Variants in ZBTB2 observed in about 807,000 individuals in gnomAD.
ZBTB2 encodes zinc finger and BTB domain containing 2.
ZBTB2 carries 2 observed loss-of-function variants against 39.5 expected under a neutral mutation model. The ratio of observed to expected loss-of-function variants is 0.05; its 90% CI spans 0.02 to 0.16. The LOEUF (loss-of-function observed/expected upper bound fraction) is 0.16, where lower values mean the gene tolerates loss of function less well. Ranked by LOEUF, ZBTB2 falls within the 10% of genes least tolerant of loss-of-function variation. The pLI is 1.00. For missense variants in ZBTB2, 391 were observed against 653.0 expected (o/e 0.60, Z 4.37); for synonymous variants, 251 against 256.6 (o/e 0.98, Z 0.21).
rs1778632266 is a variant in ZBTB2 at position 151,365,753 on chromosome 6, T to C, written c.1313A>G (p.Asp438Gly). 6.2e-7 allele frequency: 1 copy of C among 1,614,128 alleles called. No homozygotes were observed. Among genetic ancestry groups the C allele is most frequent in the African/African-American group, 1.3e-5 (1 of 74,934 alleles). ...TTTGTTTGTTTGCACCAGCATGTTG[T>C]CCATCTGACTCCCTTCCTCAAATGT... ...LCTFEEGSQM[D>G]NMLVQTNKPY... The change falls in exon 3 of 3, where the codon GAC becomes GGC. Residue 438 changes from aspartate (D) to glycine (G), a missense_variant. By Grantham distance (94) the Asp-to-Gly change is moderately conservative. Coordinates refer to ENST00000325144, the MANE Select transcript of ZBTB2 (RefSeq NM_020861.3). This position sits in a 1 kb window ranked among gnomAD's most constrained non-coding sequence, Gnocchi z 5.6.
chr6:151,383,595 T>C (rs1436121717), intron 1 of ZBTB2, among the ~76,000 whole-genome samples: 3 of 152,092 alleles, frequency 2.0e-5, no homozygotes, highest in African/African-American at 7.2e-5. Flanking sequence ...CAGCGTACAA[T>C]ACTTACTGCT....
At chr6:151,367,402 T>C (rs1778675089) in intron 2 of ZBTB2, among the ~76,000 whole-genome samples, 1 of 152,212 alleles carries the variant, frequency 6.6e-6, no homozygotes, top group African/African-American at 2.4e-5. Context: ...ATTATAGGCG[T>C]GAGCCACCAC....
Position 151,373,870 on chromosome 6 carries a change from A to AAAAAAAACAAAAC in ZBTB2, c.-12-222_-12-221insGTTTTGTTTTTTT, listed in dbSNP as rs1554336611. ...AAAAAAAAAAAAAAAAAAAAAAAAA[A>AAAAAAAACAAAAC]AAAAAAACCAGATGATGCCATTTAA... is the stretch of plus-strand genomic sequence containing the variant. On this transcript the variant is annotated intron_variant, in intron 1 of 2. Transcript: ENST00000325144. 7.7e-3 allele frequency among the ~76,000 whole-genome samples: 951 copies of AAAAAAAACAAAAC among 123,416 alleles called. 115 individuals carry two copies. Among genetic ancestry groups the AAAAAAAACAAAAC allele is most frequent in the African/African-American group, 0.032 (892 of 28,016 alleles). 81.0% of individuals were successfully genotyped at this position (123,416 alleles called of 152,430 possible).
chr6:151,370,194 GAC>G lies in ZBTB2; in HGVS notation c.173+3269_173+3270del, dbSNP rs1223806576. On this transcript the variant is annotated intron_variant, in intron 2 of 2. Transcript: ENST00000325144. ...CTTGTTGCCCAGGCTGGAGTGCAGT[GAC>G]ACGATCTCGGCTTACTGCAACCTCC... 5.4e-6 allele frequency: 3 copies of G among 560,022 alleles called. No individual in the cohort carries two copies. In the East Asian group the frequency reaches 4.3e-4, roughly 81 times the overall value. 34.7% of individuals were successfully genotyped at this position (560,022 alleles called of 1,614,324 possible). A position where few individuals can be genotyped will look rare whatever the true frequency, so the allele number is the denominator to read the frequency against.
At chr6:151,382,576 G>GT (rs1779059725) in intron 1 of ZBTB2, among the ~76,000 whole-genome samples, 1 of 149,422 alleles carries the variant, frequency 6.7e-6, no homozygotes, top group Non-Finnish European at 1.5e-5. Flanking sequence ...TTGAGACAGA[G>GT]TTTCGCTCTT....
At chr6:151,372,563 T>C (rs915767397) in intron 2 of ZBTB2, among the ~76,000 whole-genome samples, 8 of 151,918 alleles carry the variant, frequency 5.3e-5, no homozygotes, top group African/African-American at 1.9e-4. Context: ...ACTCCCAGCA[T>C]GAGGGAAGAA....
intron 1 of ZBTB2, among the ~76,000 whole-genome samples, chr6:151,389,674 T>C (rs1310648952): frequency 6.6e-6 from 1 of 152,126 alleles, no homozygotes; most frequent in Non-Finnish European, 1.5e-5. Context: ...ACCCATTGTA[T>C]GATGAAAGAG....
At chr6:151,387,140 T>C (rs1048174183) in intron 1 of ZBTB2, among the ~76,000 whole-genome samples, 1 of 152,220 alleles carries the variant, frequency 6.6e-6, no homozygotes, top group Non-Finnish European at 1.5e-5. Flanking sequence ...TCCTCTTTTA[T>C]ATTATACCAA....
At chr6:151,387,542 T>G (rs1168871269) in intron 1 of ZBTB2, among the ~76,000 whole-genome samples, 1 of 152,188 alleles carries the variant, frequency 6.6e-6, no homozygotes, top group East Asian at 1.9e-4. Flanking sequence ...ACTCTCCCGG[T>G]GCAGGAGAAC....
chr6:151,384,901 G>T lies in ZBTB2; in HGVS notation c.-13+6519C>A, dbSNP rs1417486069. Among the ~76,000 whole-genome samples the T allele has an allele frequency of 2.0e-5, 3 of 152,306 alleles. No individual in the cohort carries two copies. The East Asian group carries it at 5.8e-4, about 29-fold the overall frequency. On this transcript the variant is annotated intron_variant, in intron 1 of 2. Transcript: ENST00000325144. ...CTGGTCTTCTGGGCATACAGTTCAT[G>T]TTGTCTCCACTCTACTACCTTGCCC... is the stretch of plus-strand genomic sequence containing the variant.
intron 1 of ZBTB2, among the ~76,000 whole-genome samples, chr6:151,381,067 G>A (rs1453307797): frequency 2.0e-5 from 3 of 152,018 alleles, no homozygotes; most frequent in Admixed American, 2.0e-4. Context: ...CCTCACATCA[G>A]CCCCCAATTG....
At chr6:151,388,627 A>C (rs771237718) in intron 1 of ZBTB2, among the ~76,000 whole-genome samples, 1 of 152,192 alleles carries the variant, frequency 6.6e-6, no homozygotes, top group Admixed American at 6.5e-5. Flanking sequence ...TTGGCCTCCC[A>C]AAGTGCTGGG....
At chr6:151,371,262 G>A (rs1041071831) in intron 2 of ZBTB2, among the ~76,000 whole-genome samples, 2 of 152,216 alleles carry the variant, frequency 1.3e-5, no homozygotes, top group South Asian at 2.1e-4. Flanking sequence ...GGGTGGTGGC[G>A]GCAAAGATTT....
At chr6:151,388,656 T>G (rs776826185) in intron 1 of ZBTB2, among the ~76,000 whole-genome samples, 1 of 152,224 alleles carries the variant, frequency 6.6e-6, no homozygotes, top group Non-Finnish European at 1.5e-5. Context: ...CGTGAGCCAC[T>G]TTCCCTGGCC....
chr6:151,375,000 G>A (rs1009040335), intron 1 of ZBTB2, among the ~76,000 whole-genome samples: 2 of 149,478 alleles, frequency 1.3e-5, no homozygotes, highest in Non-Finnish European at 3.0e-5. Flanking sequence ...GGCGCCTGTA[G>A]TCCCAGCTAC....
At chr6:151,377,635 G>C (rs1778944090) in intron 1 of ZBTB2, among the ~76,000 whole-genome samples, 1 of 150,942 alleles carries the variant, frequency 6.6e-6, no homozygotes, top group Admixed American at 6.6e-5. Flanking sequence ...CCGTTGCTGG[G>C]TTCAAGCGAT....
chr6:151,386,400 T>C (rs1327990437), intron 1 of ZBTB2, among the ~76,000 whole-genome samples: 1 of 152,114 alleles, frequency 6.6e-6, no homozygotes, highest in Non-Finnish European at 1.5e-5. Context: ...CTGAATGTGG[T>C]GGCATGTGCC....
At chr6:151,373,722 G>A in intron 1 of ZBTB2, 73 bp from the exon 2 acceptor site, 1 of 1,396,396 alleles carries the variant, frequency 7.2e-7, no homozygotes, top group Non-Finnish European at 9.8e-7. Flanking sequence ...GTCACCAACA[G>A]TCATGATCAT....
At position 151,366,130 on chromosome 6, in the gene ZBTB2, G is replaced by A. The variant is rs1180314913; in HGVS notation, c.936C>T (p.Ala312=). ...GCAGCTCACTGTCACTTATCATCCC[G>A]GCTTCAGGCACTTCCATGGCATCTT... ...LGKDAMEVPE[A]GMISDSELQH... The change falls in exon 3 of 3, where the codon GCC becomes GCT. Residue 312 remains alanine (A), a synonymous_variant. Coordinates refer to ENST00000325144, the MANE Select transcript of ZBTB2 (RefSeq NM_020861.3). This position sits in a 1 kb window ranked among gnomAD's most constrained non-coding sequence, Gnocchi z 7.1. 19 of 1,613,970 alleles carry A rather than the reference G, an allele frequency of 1.2e-5. No homozygotes were observed. The highest frequency in any genetic ancestry group is 3.3e-5 in the Admixed American group (2 of 59,986).
Sources: gnomAD v4.1 joint callset for allele counts (sites outside exome capture counted in the v4.1 genomes callset) on GRCh38, gnomAD v4.1.1 for gene constraint, Gnocchi (gnomAD v3.1) non-coding constraint, MANE v1.5 for transcripts, NCBI Gene and HGNC (gene_info 2026-07-23, HGNC 2026-07-21) for gene names.